The following WWC1 variants were observed in gnomAD, a reference collection of about 807,000 sequenced individuals.
WWC1 encodes the protein protein KIBRA.
In WWC1, 55 loss-of-function variants were observed where a neutral mutation model predicts 138.4. That is an observed-to-expected ratio of 0.40 (90% CI 0.32 to 0.50). The LOEUF (loss-of-function observed/expected upper bound fraction) is 0.50, where lower values mean the gene tolerates loss of function less well. Ranked by LOEUF, WWC1 falls within the 20% of genes least tolerant of loss-of-function variation. WWC1 has a pLI of 0.72. For synonymous variants in WWC1, 524 were observed against 564.9 expected (o/e 0.93, Z 1.03); for missense variants, 1,226 against 1,420.4 (o/e 0.86, Z 2.20).
At chr5:168,390,428 C>T (rs1032699179) in intron 3 of WWC1, among the ~76,000 whole-genome samples, 4 of 152,226 alleles carry the variant, frequency 2.6e-5, no homozygotes, top group Admixed American at 1.3e-4. Context: ...AAGAGCTCCA[C>T]TGGCCTCAGA....
chr5:168,418,435 T>C (rs752528388), intron 9 of WWC1, among the ~76,000 whole-genome samples: 3 of 152,136 alleles, frequency 2.0e-5, no homozygotes, highest in Non-Finnish European at 4.4e-5. Flanking sequence ...GGTGCTGAAA[T>C]ACAGCTTGTG....
At chr5:168,454,409 A>G (rs1218444845) in intron 18 of WWC1, among the ~76,000 whole-genome samples, 2 of 151,988 alleles carry the variant, frequency 1.3e-5, no homozygotes. Flanking sequence ...TAGGCAGATG[A>G]CTTCATCCTT....
At chr5:168,357,465 T>C (rs1775527611) in intron 1 of WWC1, among the ~76,000 whole-genome samples, 1 of 131,224 alleles carries the variant, frequency 7.6e-6, no homozygotes, top group African/African-American at 3.1e-5. Context: ...TGTGTGTGTG[T>C]GTGTGTGTGT....
intron 3 of WWC1, among the ~76,000 whole-genome samples, chr5:168,397,007 GAT>G (rs1400182914): frequency 3.3e-5 from 5 of 151,576 alleles, no homozygotes; most frequent in African/African-American, 1.2e-4. Flanking sequence ...AAAAAGAAAA[GAT>G]AAAAATATAA....
At chr5:168,389,597 G>GTT (rs55873477) in intron 3 of WWC1, among the ~76,000 whole-genome samples, 22 of 129,326 alleles carry the variant, frequency 1.7e-4, no homozygotes, top group African/African-American at 4.2e-4. Flanking sequence ...TTGAATTTTT[G>GTT]TTTTTTTTTT....
chr5:168,384,391 ATTAC>A (rs1777879656), intron 2 of WWC1, among the ~76,000 whole-genome samples: 2 of 152,202 alleles, frequency 1.3e-5, no homozygotes, highest in Admixed American at 1.3e-4. Flanking sequence ...CTGAATTTAA[ATTAC>A]TTTTTATAAT....
At chr5:168,361,123 T>C (rs1367683800) in intron 1 of WWC1, among the ~76,000 whole-genome samples, 1 of 152,206 alleles carries the variant, frequency 6.6e-6, no homozygotes, top group Non-Finnish European at 1.5e-5. Flanking sequence ...GCAGGTTTTC[T>C]TGTCTGCTCT....
Position 168,409,923 on chromosome 5 carries a change from T to G in WWC1, c.869T>G (p.Phe290Cys). 1 of 1,613,930 alleles carries G rather than the reference T, an allele frequency of 6.2e-7. No homozygotes were observed. The highest frequency in any genetic ancestry group is 1.3e-5 in the African/African-American group (1 of 75,022). Reference sequence around the variant, plus strand: ...CCTGACTTTGTTCTTCTCCTCCAGTTCGGCATCAACAGCAACAATCAGTTG... The same window carrying G: ...CCTGACTTTGTTCTTCTCCTCCAGTGCGGCATCAACAGCAACAATCAGTTG... Reference protein sequence around the residue: ...VSSQTDISGSFGINSNNQLAE... With the variant: ...VSSQTDISGSCGINSNNQLAE... The change falls in exon 8 of 23, where the codon TTC becomes TGC. Residue 290 changes from phenylalanine to cysteine, a missense_variant and splice_region_variant. Around this residue, in one of 3 missense-constraint regions of WWC1, gnomAD observed 1,016 missense variants for 1,153.9 expected, o/e 0.88. Transcript: ENST00000265293.
chr5:168,435,292 G>A (rs753536234), intron 15 of WWC1, among the ~76,000 whole-genome samples: 2 of 152,032 alleles, frequency 1.3e-5, no homozygotes, highest in African/African-American at 4.8e-5. Context: ...CCATTTTCTC[G>A]CAAGGACATT....
At chr5:168,449,255 C>A (rs1297614339) in intron 17 of WWC1, among the ~76,000 whole-genome samples, 3 of 150,778 alleles carry the variant, frequency 2.0e-5, no homozygotes, top group African/African-American at 7.3e-5. Flanking sequence ...GTTTTTTTTT[C>A]TCATCTTGGA....
Position 168,467,976 on chromosome 5 carries a change from G to A in WWC1, c.3275+12G>A. 6.2e-7 allele frequency: 1 copy of A among 1,613,810 alleles called. No homozygotes were observed. Among genetic ancestry groups the A allele is most frequent in the Non-Finnish European group, 8.5e-7 (1 of 1,179,718 alleles). On this transcript the variant is annotated intron_variant, in intron 22 of 22. Transcript: ENST00000265293. ...GTTCAGTCTTTCAGGTAAGCAGAGG[G>A]CCCCGGCAGCCCCCCATCCCTTTCT...
At chr5:168,467,713 G>A in intron 21 of WWC1, 127 bp from the exon 22 acceptor site, 1 of 1,350,142 alleles carries the variant, frequency 7.4e-7, no homozygotes, top group Non-Finnish European at 1.0e-6. Flanking sequence ...GAATGAAGTG[G>A]ATCCCACATG....
intron 1 of WWC1, among the ~76,000 whole-genome samples, chr5:168,334,893 C>T (rs1438182070): frequency 1.3e-5 from 2 of 152,202 alleles, no homozygotes; most frequent in Non-Finnish European, 2.9e-5. Flanking sequence ...TGGAATGCTA[C>T]CGGTCCCTCT....
intron 2 of WWC1, among the ~76,000 whole-genome samples, chr5:168,380,732 A>G (rs993814731): frequency 6.6e-6 from 1 of 152,204 alleles, no homozygotes. Context: ...TATTCATCAT[A>G]ATAATCCCTA....
At chr5:168,435,555 C>A (rs1028157301) in intron 15 of WWC1, among the ~76,000 whole-genome samples, 1 of 152,094 alleles carries the variant, frequency 6.6e-6, no homozygotes, top group South Asian at 2.1e-4. Context: ...GGACTACAGG[C>A]ACATGCCACC....
intron 1 of WWC1, among the ~76,000 whole-genome samples, chr5:168,346,645 A>G (rs1774500232): frequency 6.6e-6 from 1 of 152,208 alleles, no homozygotes; most frequent in African/African-American, 2.4e-5. Flanking sequence ...CAGGTGAGCC[A>G]TTGTTGAGAA....
intron 1 of WWC1, among the ~76,000 whole-genome samples, chr5:168,354,331 G>A (rs756641210): frequency 6.6e-6 from 1 of 152,100 alleles, no homozygotes; most frequent in East Asian, 1.9e-4. Context: ...GATTACAGGC[G>A]TGAGCCACCG....
intron 2 of WWC1, among the ~76,000 whole-genome samples, chr5:168,372,599 TG>T (rs1776846996): frequency 6.6e-6 from 1 of 152,202 alleles, no homozygotes; most frequent in Admixed American, 6.5e-5. Flanking sequence ...CCTGGTGGGA[TG>T]TTCAGATGAT....
At chr5:168,306,671 A>G (rs1470729654) in intron 1 of WWC1, among the ~76,000 whole-genome samples, 1 of 152,082 alleles carries the variant, frequency 6.6e-6, no homozygotes, top group Non-Finnish European at 1.5e-5. Context: ...ATCTCAGCTG[A>G]CTGCAACCTC....
Sources: gnomAD v4.1 joint callset for allele counts (sites outside exome capture counted in the v4.1 genomes callset) on GRCh38, gnomAD v4.1.1 for gene constraint, gnomAD v4.1.1 regional missense constraint, MANE v1.5 for transcripts, NCBI Gene and HGNC (gene_info 2026-07-23, HGNC 2026-07-21) for gene names.